The following RBFOX2 variants were observed in gnomAD, a reference collection of about 807,000 sequenced individuals.
The protein encoded by RBFOX2 is RNA binding protein fox-1 homolog 2.
In RBFOX2, 10 loss-of-function variants were observed where a neutral mutation model predicts 49.1. The ratio of observed to expected loss-of-function variants is 0.20; its 90% CI spans 0.13 to 0.35. RBFOX2 has a LOEUF of 0.35. Among genes scored for constraint, RBFOX2 ranks in the 10% least tolerant of loss-of-function variants. The pLI is 1.00. For synonymous variants in RBFOX2, 183 were observed against 187.4 expected, an observed-to-expected ratio of 0.98 and a Z score of 0.19; for missense variants, 323 against 486.9, an observed-to-expected ratio of 0.66 and a Z score of 3.17.
chr22:35,828,291 G>A (rs1234136319), intron 1 of RBFOX2, among the ~76,000 whole-genome samples: 1 of 152,126 alleles, frequency 6.6e-6, no homozygotes, highest in Non-Finnish European at 1.5e-5. Flanking sequence ...TCCAGAGTCA[G>A]GAAACAAGCA....
intron 1 of RBFOX2, among the ~76,000 whole-genome samples, chr22:35,902,833 T>C (rs1280373759): frequency 6.6e-6 from 1 of 150,812 alleles, no homozygotes; most frequent in African/African-American, 2.5e-5. Flanking sequence ...AAAAAAAAAT[T>C]TAGAGAAGGG....
chr22:35,745,900 G>A, intron 11 of RBFOX2, 23 bp downstream of exon 13: 4 of 1,591,866 alleles, frequency 2.5e-6, no homozygotes, highest in Non-Finnish European at 3.4e-6. Flanking sequence ...GTTTTATAAA[G>A]CAATGGTATA....
intron 1 of RBFOX2, chr22:35,897,184 A>G: frequency 1.4e-6 from 1 of 713,270 alleles, no homozygotes; most frequent in Non-Finnish European, 2.4e-6. Context: ...AGGATTCTCT[A>G]AAGAGACCAC....
chr22:35,763,515 T>C (rs1027946921), intron 6 of RBFOX2, among the ~76,000 whole-genome samples: 3 of 152,194 alleles, frequency 2.0e-5, no homozygotes, highest in Non-Finnish European at 1.5e-5. Context: ...TGAGCTGAGA[T>C]CGCACCACTG....
At chr22:35,847,871 A>G (rs2041416633) in intron 1 of RBFOX2, among the ~76,000 whole-genome samples, 1 of 152,154 alleles carries the variant, frequency 6.6e-6, no homozygotes, top group Non-Finnish European at 1.5e-5. Context: ...TGGAAAATTC[A>G]TCTTATTATG....
intron 1 of RBFOX2, chr22:35,897,933 CT>C: frequency 1.3e-6 from 1 of 757,732 alleles, no homozygotes; most frequent in Non-Finnish European, 2.4e-6. Context: ...CTTCAGCTTC[CT>C]TGGACACCTG....
At chr22:35,758,464 CACAA>C (rs760936658) in intron 9 of RBFOX2, among the ~76,000 whole-genome samples, 7 of 152,172 alleles carry the variant, frequency 4.6e-5, no homozygotes, top group Non-Finnish European at 8.8e-5. Flanking sequence ...GAAGACATTT[CACAA>C]ACAATTTTCC....
chr22:35,948,921 TTC>T (rs1352954979), intron 1 of RBFOX2, among the ~76,000 whole-genome samples: 1 of 152,168 alleles, frequency 6.6e-6, no homozygotes, highest in Non-Finnish European at 1.5e-5. Flanking sequence ...CTCCAGAACT[TTC>T]TGATCTTCCC....
At chr22:35,916,671 G>A (rs898888004) in intron 1 of RBFOX2, among the ~76,000 whole-genome samples, 1 of 152,030 alleles carries the variant, frequency 6.6e-6, no homozygotes, top group African/African-American at 2.4e-5. Flanking sequence ...TGACGCGGGC[G>A]GGTCACCTGA....
rs117832478 is a variant in RBFOX2 at position 35,801,543 on chromosome 22, G to A, written c.252+8237C>T. The stretch of plus-strand genomic sequence containing the variant: ...CTCACATTTAAAATGTACACTTTTG[G>A]GCCAGGCAGAGTGACTCACACCTGC... On this transcript the variant is annotated intron_variant, in intron 2 of 11. Coordinates refer to ENST00000405409, the Ensembl canonical transcript of RBFOX2. 7.3e-5 allele frequency among the ~76,000 whole-genome samples: 11 copies of A among 151,594 alleles called. No homozygotes were observed. The East Asian group carries it at 2.1e-3, about 30-fold the overall frequency.
At chr22:35,913,442 G>A (rs1226469338) in intron 1 of RBFOX2, among the ~76,000 whole-genome samples, 2 of 151,582 alleles carry the variant, frequency 1.3e-5, no homozygotes, top group Non-Finnish European at 2.9e-5. Context: ...CTTTAAGGGA[G>A]CGCCTAACAG....
intron 1 of RBFOX2, among the ~76,000 whole-genome samples, chr22:36,020,315 T>C (rs183854169): frequency 5.3e-5 from 8 of 152,234 alleles, no homozygotes; most frequent in African/African-American, 1.9e-4. Context: ...ACCTAGGCAA[T>C]ACCATTCAGG....
chr22:35,794,719 T>A lies in RBFOX2; in HGVS notation c.253-12973A>T, dbSNP rs1177148533. ...CAGTTCTGATCAGAGTTTACTCATTTTCAAGAGGTAGTATAAAGTATTTAT... is the reference window on the plus strand; with the variant it reads ...CAGTTCTGATCAGAGTTTACTCATTATCAAGAGGTAGTATAAAGTATTTAT... On this transcript the variant is annotated intron_variant, in intron 2 of 11. Transcript: ENST00000405409. 2.6e-5 allele frequency among the ~76,000 whole-genome samples: 4 copies of A among 152,206 alleles called. No individual in the cohort carries two copies. The East Asian group carries it at 7.7e-4, about 29-fold the overall frequency.
intron 1 of RBFOX2, among the ~76,000 whole-genome samples, chr22:35,979,931 T>C (rs1316302557): frequency 6.6e-6 from 1 of 152,160 alleles, no homozygotes; most frequent in Non-Finnish European, 1.5e-5. Context: ...TAACGAAGTA[T>C]GTGCCAATAT....
At chr22:35,946,239 G>T (rs929598085) in intron 1 of RBFOX2, among the ~76,000 whole-genome samples, 12 of 152,104 alleles carry the variant, frequency 7.9e-5, no homozygotes, top group Non-Finnish European at 1.6e-4. Flanking sequence ...AGAGAACCCA[G>T]AATTTACAAC....
intron 1 of RBFOX2, among the ~76,000 whole-genome samples, chr22:35,823,807 T>C (rs1456593277): frequency 6.6e-6 from 1 of 152,222 alleles, no homozygotes; most frequent in Non-Finnish European, 1.5e-5. Context: ...CTTTAATAAA[T>C]TAGACACATT....
chr22:35,762,625 C>A (rs1939343604), intron 6 of RBFOX2, among the ~76,000 whole-genome samples: 1 of 151,624 alleles, frequency 6.6e-6, no homozygotes, highest in Non-Finnish European at 1.5e-5. Context: ...CATGCCTCAG[C>A]CTCCCAAGTA....
intron 1 of RBFOX2, among the ~76,000 whole-genome samples, chr22:35,945,475 G>A (rs566169608): frequency 1.1e-4 from 17 of 152,080 alleles, no homozygotes; most frequent in East Asian, 5.8e-4. Flanking sequence ...TCACACTGTC[G>A]CCCAGGCTGG....
At chr22:35,912,448 A>G (rs757310548) in intron 1 of RBFOX2, among the ~76,000 whole-genome samples, 9 of 152,170 alleles carry the variant, frequency 5.9e-5, no homozygotes, top group Non-Finnish European at 1.3e-4. Context: ...ATCTACCTAT[A>G]TATTACTTAA....
Sources: gnomAD v4.1 joint callset for allele counts (sites outside exome capture counted in the v4.1 genomes callset) on GRCh38, gnomAD v4.1.1 for gene constraint, MANE v1.5 for transcripts, NCBI Gene and HGNC (gene_info 2026-07-23, HGNC 2026-07-21) for gene names.